The following CLVS1 variants were observed in gnomAD, a reference collection of about 807,000 sequenced individuals.
CLVS1 encodes clavesin 1.
In CLVS1, 10 loss-of-function variants were observed where a neutral mutation model predicts 33.1. That is an observed-to-expected ratio of 0.30 (90% CI 0.19 to 0.51). CLVS1 has a LOEUF of 0.51. Among genes scored for constraint, CLVS1 ranks in the 20% least tolerant of loss-of-function variants. The pLI is 0.97. For synonymous variants in CLVS1, 163 were observed against 166.1 expected, an observed-to-expected ratio of 0.98 and a Z score of 0.14; for missense variants, 343 against 433.4, an observed-to-expected ratio of 0.79 and a Z score of 1.85.
the CLVS1 span, among the ~76,000 whole-genome samples, chr8:61,003,953 A>G: frequency 1.3e-5 from 2 of 152,324 alleles, no homozygotes; most frequent in South Asian, 2.1e-4. Context: ...GCTGTTTCAG[A>G]CAAAGCAATC....
At chr8:61,411,310 C>A (rs1250497585) in intron 3 of CLVS1, among the ~76,000 whole-genome samples, 1 of 152,202 alleles carries the variant, frequency 6.6e-6, no homozygotes, top group Non-Finnish European at 1.5e-5. Flanking sequence ...GCAGCCTCTG[C>A]CCACCCTGGC....
the CLVS1 span, among the ~76,000 whole-genome samples, chr8:60,981,533 G>A: frequency 2.0e-5 from 3 of 152,202 alleles, no homozygotes; most frequent in African/African-American, 2.4e-5. Flanking sequence ...ACTCATACTC[G>A]CTGTTGCTTT....
chr8:61,467,915 C>T (rs952572414), intron 5 of CLVS1, among the ~76,000 whole-genome samples: 4 of 152,196 alleles, frequency 2.6e-5, no homozygotes, highest in African/African-American at 9.7e-5. Context: ...CTAAGGACCT[C>T]TTCTGTCCCC....
At chr8:61,324,580 A>G (rs1043296648) in intron 2 of CLVS1, among the ~76,000 whole-genome samples, 5 of 152,196 alleles carry the variant, frequency 3.3e-5, no homozygotes, top group Non-Finnish European at 7.4e-5. Flanking sequence ...GGAACTGAGT[A>G]GCAGGTAGAG....
intron 1 of CLVS1, among the ~76,000 whole-genome samples, chr8:61,112,564 A>G (rs189417801): frequency 5.1e-4 from 78 of 152,374 alleles, no homozygotes; most frequent in Admixed American, 9.8e-4. Flanking sequence ...AGCCAATTAA[A>G]GCCTGTAAGT....
At chr8:61,193,782 A>T (rs77387210) in intron 2 of CLVS1, among the ~76,000 whole-genome samples, 1,805 of 152,126 alleles carry the variant, frequency 0.012, 14 homozygotes, top group Middle Eastern at 0.034. Context: ...ACACACTCTA[A>T]TAGAAAGTCT....
chr8:61,380,277 A>C (rs1813817504), intron 3 of CLVS1, among the ~76,000 whole-genome samples: 2 of 152,184 alleles, frequency 1.3e-5, no homozygotes, highest in Non-Finnish European at 2.9e-5. Flanking sequence ...ACTTCTGACC[A>C]TAATCATTAA....
chr8:60,988,757 A>G, the CLVS1 span, among the ~76,000 whole-genome samples: 1 of 152,226 alleles, frequency 6.6e-6, no homozygotes, highest in Non-Finnish European at 1.5e-5. Context: ...TACTACTACA[A>G]CTTTGTATGC....
the CLVS1 span, among the ~76,000 whole-genome samples, chr8:61,028,897 T>G: frequency 6.6e-6 from 1 of 152,238 alleles, no homozygotes; most frequent in African/African-American, 2.4e-5. Flanking sequence ...GAGCTTCCTC[T>G]GGCCTACAAG....
intron 2 of CLVS1, among the ~76,000 whole-genome samples, chr8:61,352,580 G>C (rs1812513477): frequency 6.6e-6 from 1 of 151,932 alleles, no homozygotes; most frequent in South Asian, 2.1e-4. Flanking sequence ...ATCATGCAAA[G>C]ATGGATTTAA....
chr8:61,122,602 A>ACACACACC (rs1805896048), intron 1 of CLVS1, among the ~76,000 whole-genome samples: 2 of 151,708 alleles, frequency 1.3e-5, no homozygotes, highest in African/African-American at 4.9e-5. Flanking sequence ...ACACACACAC[A>ACACACACC]CACACACACA....
chr8:61,272,588 C>A (rs1006651513), intron 2 of CLVS1, among the ~76,000 whole-genome samples: 1 of 152,112 alleles, frequency 6.6e-6, no homozygotes, highest in Non-Finnish European at 1.5e-5. Flanking sequence ...CTGCAGAGTG[C>A]TTTCCAACTT....
At chr8:61,013,158 C>G in the CLVS1 span, among the ~76,000 whole-genome samples, 1 of 152,178 alleles carries the variant, frequency 6.6e-6, no homozygotes, top group Non-Finnish European at 1.5e-5. Flanking sequence ...TTTCCTGCCT[C>G]GGTCCTTCCT....
chr8:61,171,526 G>A (rs1000409132), intron 2 of CLVS1, among the ~76,000 whole-genome samples: 2 of 152,150 alleles, frequency 1.3e-5, no homozygotes, highest in Non-Finnish European at 2.9e-5. Context: ...AAGGAGGTGG[G>A]AAGTTTCACA....
At chr8:61,237,259 G>T (rs1808586307) in intron 2 of CLVS1, among the ~76,000 whole-genome samples, 1 of 152,130 alleles carries the variant, frequency 6.6e-6, no homozygotes, top group African/African-American at 2.4e-5. Context: ...AAGGTTGTTG[G>T]TAGTGCCTGT....
At chr8:61,473,428 A>G (rs1817805201) in intron 5 of CLVS1, among the ~76,000 whole-genome samples, 1 of 151,708 alleles carries the variant, frequency 6.6e-6, no homozygotes, top group African/African-American at 2.4e-5. Flanking sequence ...ACAGGGGCCC[A>G]CCGTGCAGAG....
chr8:61,318,883 T>G (rs1563493736), intron 2 of CLVS1, among the ~76,000 whole-genome samples: 1 of 152,144 alleles, frequency 6.6e-6, no homozygotes, highest in Non-Finnish European at 1.5e-5. Context: ...AGAGCTGGAA[T>G]TACAGGCATG....
chr8:61,450,315 A>G (rs79917048), intron 3 of CLVS1, among the ~76,000 whole-genome samples: 95 of 152,320 alleles, frequency 6.2e-4, no homozygotes, highest in African/African-American at 2.1e-3. Flanking sequence ...TTAAAAAGCA[A>G]AAAAAACTTA....
chr8:61,365,770 TGTGTGC>T (rs912293629), intron 2 of CLVS1, among the ~76,000 whole-genome samples: 13 of 141,386 alleles, frequency 9.2e-5, no homozygotes, highest in African/African-American at 2.8e-4. Flanking sequence ...TGTGTGTGTG[TGTGTGC>T]GTGTGTGTGT....
Sources: gnomAD v4.1 joint callset for allele counts (sites outside exome capture counted in the v4.1 genomes callset) on GRCh38, gnomAD v4.1.1 for gene constraint, MANE v1.5 for transcripts, NCBI Gene and HGNC (gene_info 2026-07-23, HGNC 2026-07-21) for gene names.